The following PLCG1 variants were observed in gnomAD, a reference collection of about 807,000 sequenced individuals.
PLCG1 encodes the protein 1-phosphatidylinositol 4,5-bisphosphate phosphodiesterase gamma-1.
A neutral mutation model predicts 177.8 loss-of-function variants in PLCG1; 71 were observed. The observed-to-expected ratio is 0.40, with a 90% CI of 0.33 to 0.49. The LOEUF (loss-of-function observed/expected upper bound fraction) is 0.49. Among genes scored for constraint, PLCG1 ranks in the 20% least tolerant of loss-of-function variants. The pLI is 0.72. For synonymous variants in PLCG1, 658 were observed against 647.9 expected (o/e 1.02, Z -0.24); for missense variants, 1,281 against 1,709.0 (o/e 0.75, Z 4.42).
At position 41,165,697 on chromosome 20, in the gene PLCG1, C is replaced by T. The variant is rs374424548; in HGVS notation, c.1670C>T (p.Ala557Val). 1 of 1,613,848 alleles carries T rather than the reference C, an allele frequency of 6.2e-7. No individual in the cohort carries two copies. The highest frequency in any genetic ancestry group is 1.3e-5 in the African/African-American group (1 of 74,934). ...NEKWFHGKLG[A>V]GRDGRHIAER... ...AAGTGGTTCCATGGGAAGCTAGGGGCAGGGCGTGACGGGCGTCACATCGCT... is the reference window on the plus strand; with the variant it reads ...AAGTGGTTCCATGGGAAGCTAGGGGTAGGGCGTGACGGGCGTCACATCGCT... Residue 557 changes from alanine (A) to valine (V), a missense_variant, in exon 16 of 32, where the codon GCA becomes GTA. By Grantham distance (64) the Ala-to-Val change is moderately conservative. Around this residue, in one of 4 missense-constraint regions of PLCG1, gnomAD observed 723 missense variants for 1,030.0 expected, o/e 0.70. Transcript: ENST00000685551. This position sits in a 1 kb window ranked among gnomAD's most constrained non-coding sequence, Gnocchi z 6.6.
rs534383223 is a variant in PLCG1 at position 41,176,627 on chromosome 20, C to T, written c.*2118C>T. ...ACAGACAGCTCTGCCTTTCTTAAGGCAGCTTTGTAGACCTGAGGCTCACCT... is the reference window on the plus strand; with the variant it reads ...ACAGACAGCTCTGCCTTTCTTAAGGTAGCTTTGTAGACCTGAGGCTCACCT... On this transcript the variant is annotated 3_prime_UTR_variant, in exon 32 of 32. Transcript: ENST00000685551. The T allele has an allele frequency of 1.3e-5, 2 of 152,376 alleles. No homozygotes were observed. The highest frequency in any genetic ancestry group is 4.1e-4 in the South Asian group (2 of 4,826). 9.4% of individuals were successfully genotyped at this position (152,376 alleles called of 1,614,324 possible). A position where few individuals can be genotyped will look rare whatever the true frequency, so the allele number is the denominator to read the frequency against.
rs1246304846 is a variant in PLCG1, at chr20:41,150,590, C to A, written c.218-9016C>A. 6.6e-6 allele frequency among the ~76,000 whole-genome samples: 1 copy of A among 152,162 alleles called. No individual in the cohort carries two copies. Among genetic ancestry groups the A allele is most frequent in the Non-Finnish European group, 1.5e-5 (1 of 68,016 alleles). ...GACCCATGGCTGCCTGGAGAATCTT[C>A]TGGGCTTGTGCAGAAAAGTTGGGGA... On this transcript the variant is annotated intron_variant, in intron 1 of 31. Transcript: ENST00000685551. The surrounding 1 kb of genome is among the most constrained non-coding windows in gnomAD (Gnocchi z 4.0).
rs575006215 is a variant in PLCG1 at position 41,175,117 on chromosome 20, G to A, written c.*608G>A. 6.5e-6 allele frequency: 1 copy of A among 152,938 alleles called. No individual in the cohort carries two copies. The highest frequency in any genetic ancestry group is 1.5e-5 in the Non-Finnish European group (1 of 68,308). The allele number at this position is 152,938 out of a possible 1,614,324, so 9.5% of individuals were successfully genotyped here. On this transcript the variant is annotated 3_prime_UTR_variant, in exon 32 of 32. Coordinates refer to ENST00000685551, the MANE Select transcript of PLCG1 (RefSeq NM_002660.3). ...GCTGGGAACATGACCCAGCCTGAAA[G>A]ATACAGGGGATCATGTTAAAAATAG...
At chr20:41,143,814 T>C (rs1000313515) in intron 1 of PLCG1, among the ~76,000 whole-genome samples, 9 of 152,340 alleles carry the variant, frequency 5.9e-5, no homozygotes, top group South Asian at 2.1e-4. Flanking sequence ...TGTATATTAA[T>C]AATAAGGGAG....
chr20:41,172,149 C>A lies in PLCG1; in HGVS notation c.2809-44C>A. ...TTGGCAGGGGCTTCCTTCTCCTGGG[C>A]AGGGCTGTAGCCTGGGGCTACAGGG... On this transcript the variant is annotated intron_variant, in intron 24 of 31. Transcript: ENST00000685551. The surrounding 1 kb of genome is among the most constrained non-coding windows in gnomAD (Gnocchi z 7.0). 1 of 1,494,450 alleles carries A rather than the reference C, an allele frequency of 6.7e-7. No homozygotes were observed. Among genetic ancestry groups the A allele is most frequent in the Non-Finnish European group, 9.3e-7 (1 of 1,070,860 alleles). 92.6% of individuals were successfully genotyped at this position (1,494,450 alleles called of 1,614,324 possible).
intron 1 of PLCG1, among the ~76,000 whole-genome samples, chr20:41,143,614 A>G (rs2034900979): frequency 6.6e-6 from 1 of 152,112 alleles, no homozygotes; most frequent in South Asian, 2.1e-4. Context: ...ACGGGTGAGG[A>G]GTGGCTTCAG....
chr20:41,161,154 C>T, intron 4 of PLCG1, among the ~76,000 whole-genome samples: 1 of 152,102 alleles, frequency 6.6e-6, no homozygotes, highest in Non-Finnish European at 1.5e-5. Flanking sequence ...AGACCACCCC[C>T]ATATTAGAGA....
chr20:41,168,726 G>A, intron 20 of PLCG1, 41 bp from the exon 21 acceptor site: 1 of 1,287,052 alleles, frequency 7.8e-7, no homozygotes, highest in South Asian at 1.2e-5. Flanking sequence ...CAGTGGCAGG[G>A]AGAGCCTTTC....
rs2035119461 is a variant in PLCG1, at chr20:41,150,077, T to C, written c.218-9529T>C. Among the ~76,000 whole-genome samples, 1 of 152,140 alleles carries C rather than the reference T, an allele frequency of 6.6e-6. No homozygotes were observed. Among genetic ancestry groups the C allele is most frequent in the Non-Finnish European group, 1.5e-5 (1 of 68,014 alleles). On this transcript the variant is annotated intron_variant, in intron 1 of 31. Coordinates refer to ENST00000685551, the MANE Select transcript of PLCG1 (RefSeq NM_002660.3). This position sits in a 1 kb window ranked among gnomAD's most constrained non-coding sequence, Gnocchi z 4.0. ...GTTGTGGTTTGCCTGTAGTCCCAGC[T>C]ACCTGAAAGGCCAAGGTGGGAGGAT... is the stretch of plus-strand genomic sequence containing the variant.
chr20:41,168,480 C>T lies in PLCG1; in HGVS notation c.2380-287C>T, dbSNP rs568949692. On this transcript the variant is annotated intron_variant, in intron 20 of 31. Coordinates refer to ENST00000685551, the MANE Select transcript of PLCG1 (RefSeq NM_002660.3). ...GCCTGCCAGCCCTGACTCCTGGGAG[C>T]GGATTCAAGGTTCTCCCTGTGGCCC... Among the ~76,000 whole-genome samples the T allele has an allele frequency of 1.0e-3, 155 of 152,356 alleles. 1 individual carries two copies. Among genetic ancestry groups the T allele is most frequent in the African/African-American group, 3.4e-3 (141 of 41,590 alleles).
chr20:41,163,127 G>T lies in PLCG1; in HGVS notation c.717-76G>T. 6.7e-7 allele frequency: 1 copy of T among 1,499,006 alleles called. No individual in the cohort carries two copies. The highest frequency in any genetic ancestry group is 9.2e-7 in the Non-Finnish European group (1 of 1,087,100). The allele number at this position is 1,499,006 out of a possible 1,614,324, so 92.9% of individuals were successfully genotyped here. A position where few individuals can be genotyped will look rare whatever the true frequency, so the allele number is the denominator to read the frequency against. The stretch of plus-strand genomic sequence containing the variant: ...CATTCTGGGAAGCTGTGCTGGCTGG[G>T]AGTTGGGTTCTGCCTTCCGTGGGGC... On this transcript the variant is annotated intron_variant, in intron 7 of 31. Coordinates refer to ENST00000685551, the MANE Select transcript of PLCG1 (RefSeq NM_002660.3). This position sits in a 1 kb window ranked among gnomAD's most constrained non-coding sequence, Gnocchi z 5.2.
In PLCG1 at chr20:41,164,169, C is replaced by T. The variant is rs758313062; in HGVS notation, c.1185C>T (p.His395=). 3.1e-6 allele frequency: 5 copies of T among 1,614,110 alleles called. No homozygotes were observed. In the South Asian group the frequency reaches 3.3e-5, roughly 11 times the overall value. The change falls in exon 12 of 32, where the codon CAC becomes CAT. Residue 395 remains histidine (H), a synonymous_variant. Coordinates refer to ENST00000685551, the MANE Select transcript of PLCG1 (RefSeq NM_002660.3). This position sits in a 1 kb window ranked among gnomAD's most constrained non-coding sequence, Gnocchi z 6.4. ...TTKIKFSDVL[H]TIKEHAFVAS... ...AGATCAAGTTCTCAGATGTCCTGCA[C>T]ACCATCAAGGAGCATGCCTTTGTGG...
intron 1 of PLCG1, among the ~76,000 whole-genome samples, chr20:41,154,522 T>C (rs373539127): frequency 5.3e-5 from 8 of 152,318 alleles, no homozygotes; most frequent in African/African-American, 1.9e-4. Context: ...ACTGCCCTTA[T>C]GCACATCCTC....
rs150658422 is a variant in PLCG1, at chr20:41,169,477, C to T, written c.2601C>T (p.Pro867=). The change falls in exon 23 of 32, where the codon CCC becomes CCT. Residue 867 remains proline, a synonymous_variant. Transcript: ENST00000685551. The part of the protein sequence containing the change: ...PEREHLDENS[P]LGDLLRGVLD... Reference sequence around the variant, plus strand: ...CACAGCACTTGGACGAGAACAGCCCCCTAGGGGACTTGCTGCGGGGGGTCT... The same window carrying T: ...CACAGCACTTGGACGAGAACAGCCCTCTAGGGGACTTGCTGCGGGGGGTCT... 1 of 1,613,706 alleles carries T rather than the reference C, an allele frequency of 6.2e-7. No homozygotes were observed. The highest frequency in any genetic ancestry group is 1.7e-5 in the Admixed American group (1 of 60,000).
intron 1 of PLCG1, among the ~76,000 whole-genome samples, chr20:41,141,730 C>A (rs528653182): frequency 6.6e-6 from 1 of 152,222 alleles, no homozygotes; most frequent in South Asian, 2.1e-4. Context: ...CAGGCTTGCC[C>A]CGATGTGTGG....
rs902810691 is a variant in PLCG1 at position 41,156,765 on chromosome 20, C to G, written c.218-2841C>G. 1.3e-5 allele frequency among the ~76,000 whole-genome samples: 2 copies of G among 152,344 alleles called. No individual in the cohort carries two copies. The highest frequency in any genetic ancestry group is 3.9e-4 in the East Asian group (2 of 5,190). ...TTCTGGGAAGGTCTCTTTTCCTGCCCTCCTGACTAATGGCAGAGAGGTCTG... is the reference window on the plus strand; with the variant it reads ...TTCTGGGAAGGTCTCTTTTCCTGCCGTCCTGACTAATGGCAGAGAGGTCTG... On this transcript the variant is annotated intron_variant, in intron 1 of 31. Coordinates refer to ENST00000685551, the MANE Select transcript of PLCG1 (RefSeq NM_002660.3). The surrounding 1 kb of genome is among the most constrained non-coding windows in gnomAD (Gnocchi z 5.0).
chr20:41,162,954 G>A lies in PLCG1; in HGVS notation c.682-4G>A, dbSNP rs2035561003. On this transcript the variant is annotated splice_region_variant and splice_polypyrimidine_tract_variant and intron_variant, in intron 6 of 31. Transcript: ENST00000685551. Reference sequence around the variant, plus strand: ...TTGCCCTGACCAGGTTCTGTTTCCTGCAGATGGACCTCCCCTTCTTGGAAG... The same window carrying A: ...TTGCCCTGACCAGGTTCTGTTTCCTACAGATGGACCTCCCCTTCTTGGAAG... The A allele has an allele frequency of 1.2e-6, 2 of 1,613,968 alleles. No individual in the cohort carries two copies. Among genetic ancestry groups the A allele is most frequent in the Non-Finnish European group, 1.7e-6 (2 of 1,179,846 alleles).
Position 41,176,963 on chromosome 20 carries a change from C to G in PLCG1, c.*2454C>G, listed in dbSNP as rs574532959. The G allele has an allele frequency of 1.2e-4, 19 of 152,374 alleles. No individual in the cohort carries two copies. Among genetic ancestry groups the G allele is most frequent in the African/African-American group, 4.6e-4 (19 of 41,586 alleles). The allele number at this position is 152,374 out of a possible 1,614,324, so 9.4% of individuals were successfully genotyped here. A position where few individuals can be genotyped will look rare whatever the true frequency, so the allele number is the denominator to read the frequency against. On this transcript the variant is annotated 3_prime_UTR_variant, in exon 32 of 32. Transcript: ENST00000685551. ...CAACCCTAACAGCACATTAGCACCA[C>G]TTGGGGAGCTTCTGAAAAATACTGG...
At position 41,156,849 on chromosome 20, in the gene PLCG1, A is replaced by G. The variant is rs559895714; in HGVS notation, c.218-2757A>G. On this transcript the variant is annotated intron_variant, in intron 1 of 31. Coordinates refer to ENST00000685551, the MANE Select transcript of PLCG1 (RefSeq NM_002660.3). The surrounding 1 kb of genome is among the most constrained non-coding windows in gnomAD (Gnocchi z 5.0). ...GTCACCTGCCACCAGGGCAGAGGCC[A>G]TTCCTCTCTGGGGAGTCTCCTTGTG... 5.1e-4 allele frequency among the ~76,000 whole-genome samples: 78 copies of G among 152,322 alleles called. 1 individual carries two copies. The highest frequency in any genetic ancestry group is 1.7e-3 in the African/African-American group (72 of 41,576).
Sources: gnomAD v4.1 joint callset for allele counts (sites outside exome capture counted in the v4.1 genomes callset) on GRCh38, gnomAD v4.1.1 for gene constraint, gnomAD v4.1.1 regional missense constraint, Gnocchi (gnomAD v3.1) non-coding constraint, MANE v1.5 for transcripts, NCBI Gene and HGNC (gene_info 2026-07-23, HGNC 2026-07-21) for gene names.